The following PIBF1 variants were observed in gnomAD, a reference collection of about 807,000 sequenced individuals.
PIBF1 encodes progesterone immunomodulatory binding factor 1, also known as progesterone-induced-blocking factor 1.
PIBF1 carries 90 observed loss-of-function variants against 112.5 expected under a neutral mutation model. The observed-to-expected ratio is 0.80, with a 90% CI of 0.67 to 0.95. The LOEUF is 0.95. Among genes scored for constraint, PIBF1 ranks in the 40% least tolerant of loss-of-function variants. The probability of loss-of-function intolerance (pLI) is 0.00; values close to 1 mark genes in which losing one functional copy is unlikely to be tolerated. For missense variants in PIBF1, 915 were observed against 852.3 expected (o/e 1.07, Z -0.92); for synonymous variants, 301 against 288.6 (o/e 1.04, Z -0.44).
intron 17 of PIBF1, among the ~76,000 whole-genome samples, chr13:73,013,402 C>T (rs945367059): frequency 1.3e-5 from 2 of 148,538 alleles, no homozygotes; most frequent in African/African-American, 2.5e-5. Flanking sequence ...TTCCCCCAAA[C>T]TAATGTTAGA....
At chr13:72,993,691 A>C (rs1438409818) in intron 16 of PIBF1, among the ~76,000 whole-genome samples, 11 of 149,818 alleles carry the variant, frequency 7.3e-5, no homozygotes. Context: ...GCTTGCAGTG[A>C]GCCAAGATCA....
At position 72,827,855 on chromosome 13, in the gene PIBF1, T is replaced by G; in HGVS notation, c.1038T>G (p.Ala346=). 6.3e-7 allele frequency: 1 copy of G among 1,594,150 alleles called. No homozygotes were observed. Among genetic ancestry groups the G allele is most frequent in the Admixed American group, 1.7e-5 (1 of 57,224 alleles). ...HEEDRLERLQ[A]QLEESKKARE... is the part of the protein sequence containing the mutation. ...AGGATCGCCTTGAAAGACTTCAAGC[T>G]CAACTGGAAGAAAGCAAAAAGGCTA... The change falls in exon 8 of 18, where the codon GCT becomes GCG. Residue 346 remains alanine, a synonymous_variant. Transcript: ENST00000326291.
chr13:72,928,479 C>G (rs2041603114), intron 13 of PIBF1, among the ~76,000 whole-genome samples: 1 of 151,978 alleles, frequency 6.6e-6, no homozygotes, highest in Non-Finnish European at 1.5e-5. Flanking sequence ...TGCTCTTGTC[C>G]CCCAGGCTGG....
chr13:72,807,855 T>A (rs2035813741), intron 5 of PIBF1, among the ~76,000 whole-genome samples: 1 of 152,234 alleles, frequency 6.6e-6, no homozygotes, highest in Non-Finnish European at 1.5e-5. Context: ...GTAACTTGAA[T>A]TTCACAATGA....
At chr13:72,991,842 C>A (rs1256818494) in intron 16 of PIBF1, among the ~76,000 whole-genome samples, 2 of 152,070 alleles carry the variant, frequency 1.3e-5, no homozygotes, top group African/African-American at 4.8e-5. Flanking sequence ...CCTCAGCCTC[C>A]CGAGTAGTTG....
At chr13:72,894,607 T>C (rs2040192153) in intron 11 of PIBF1, among the ~76,000 whole-genome samples, 1 of 151,482 alleles carries the variant, frequency 6.6e-6, no homozygotes, top group South Asian at 2.1e-4. Flanking sequence ...TTCAAATCAG[T>C]AGGGAAAGTA....
intron 15 of PIBF1, chr13:72,970,611 T>TA (rs2042862649): frequency 6.6e-6 from 1 of 152,170 alleles, no homozygotes; most frequent in South Asian, 2.1e-4. Context: ...ATTTAACAAT[T>TA]ATGGGTGTAA....
At chr13:72,803,519 G>A (rs2035586499) in intron 5 of PIBF1, among the ~76,000 whole-genome samples, 1 of 152,084 alleles carries the variant, frequency 6.6e-6, no homozygotes, top group Non-Finnish European at 1.5e-5. Flanking sequence ...TGATATTTGG[G>A]GAAACTACTA....
rs2042960520 is a variant in PIBF1, at chr13:72,973,923, A to T, written c.2049+248A>T. On this transcript the variant is annotated intron_variant, in intron 16 of 17. Coordinates refer to ENST00000326291, the MANE Select transcript of PIBF1 (RefSeq NM_006346.4). ...AATTTCCCCATATTATTTAATAATA[A>T]TCTGTTTTATCTTATTCTGCAACTA... The T allele has an allele frequency of 8.9e-6, 4 of 449,142 alleles. No individual in the cohort carries two copies. The South Asian group carries it at 2.4e-4, about 27-fold the overall frequency. The allele number at this position is 449,142 out of a possible 1,614,324, so 27.8% of individuals were successfully genotyped here. A position where few individuals can be genotyped will look rare whatever the true frequency, so the allele number is the denominator to read the frequency against.
At chr13:72,954,836 A>C (rs1308237156) in intron 14 of PIBF1, among the ~76,000 whole-genome samples, 1 of 152,166 alleles carries the variant, frequency 6.6e-6, no homozygotes, top group African/African-American at 2.4e-5. Flanking sequence ...CACAGTGTGA[A>C]TCTCTACACA....
chr13:72,808,786 T>G (rs1027756251), intron 5 of PIBF1, among the ~76,000 whole-genome samples: 2 of 152,144 alleles, frequency 1.3e-5, no homozygotes, highest in Admixed American at 1.3e-4. Flanking sequence ...TGCACCTTGA[T>G]CCATCCAACC....
At chr13:72,976,259 G>T (rs909839140) in intron 16 of PIBF1, among the ~76,000 whole-genome samples, 1 of 151,532 alleles carries the variant, frequency 6.6e-6, no homozygotes, top group Non-Finnish European at 1.5e-5. Context: ...GAGCAATGTA[G>T]TGCAACCCTA....
chr13:72,872,416 C>T (rs1353493765), intron 10 of PIBF1, among the ~76,000 whole-genome samples: 1 of 152,008 alleles, frequency 6.6e-6, no homozygotes, highest in Non-Finnish European at 1.5e-5. Flanking sequence ...TGCTAAAGCA[C>T]CATTTAGGTA....
intron 11 of PIBF1, 108 bp downstream of exon 11, chr13:72,894,057 C>CAAAAAAAAAAAAAAAAAAAAAAAAAAA (rs66856837): frequency 1.2e-5 from 1 of 82,688 alleles, no homozygotes; most frequent in Non-Finnish European, 2.2e-5. Flanking sequence ...CTATCCTGCA[C>CAAAAAAAAAAAAAAAAAAAAAAAAAAA]AAAAAAAAAA....
chr13:72,783,642 A>T lies in PIBF1; in HGVS notation c.173A>T (p.His58Leu). ...CTAATTGAACGAAAAGAACTACTTC[A>T]TAATATTCAGTTACTAAAAATTGAG... Reference protein sequence around the residue: ...RQLIERKELLHNIQLLKIELS... With the variant: ...RQLIERKELLLNIQLLKIELS... Residue 58 changes from histidine to leucine, a missense_variant, in exon 2 of 18, where the codon CAT becomes CTT. Coordinates refer to ENST00000326291, the MANE Select transcript of PIBF1 (RefSeq NM_006346.4). 1 of 1,613,960 alleles carries T rather than the reference A, an allele frequency of 6.2e-7. No homozygotes were observed. The highest frequency in any genetic ancestry group is 8.5e-7 in the Non-Finnish European group (1 of 1,179,832).
intron 16 of PIBF1, among the ~76,000 whole-genome samples, chr13:72,994,896 T>C (rs2043599068): frequency 6.6e-6 from 1 of 152,226 alleles, no homozygotes; most frequent in Admixed American, 6.5e-5. Context: ...TCATGAATCA[T>C]GATCATTTCA....
chr13:72,800,177 A>G (rs770455766), intron 5 of PIBF1, among the ~76,000 whole-genome samples: 1 of 152,186 alleles, frequency 6.6e-6, no homozygotes, highest in African/African-American at 2.4e-5. Flanking sequence ...CTGGGCTTAC[A>G]GGCATGCGCT....
chr13:72,834,710 A>T (rs971740978), intron 8 of PIBF1, among the ~76,000 whole-genome samples: 13 of 152,204 alleles, frequency 8.5e-5, no homozygotes, highest in African/African-American at 2.9e-4. Flanking sequence ...GAGTTCACAC[A>T]TTCATAATTT....
chr13:72,848,860 T>C lies in PIBF1; in HGVS notation c.1224-5197T>C, dbSNP rs568658523. Among the ~76,000 whole-genome samples, 4 of 152,128 alleles carry C rather than the reference T, an allele frequency of 2.6e-5. No homozygotes were observed. In the South Asian group the frequency reaches 8.3e-4, roughly 32 times the overall value. On this transcript the variant is annotated intron_variant, in intron 9 of 17. Coordinates refer to ENST00000326291, the MANE Select transcript of PIBF1 (RefSeq NM_006346.4). ...AAAAAAAAAAAAGAACTTAACTCTTTAAGTTTCTCATTTGAATGTTATAAT... is the reference window on the plus strand; with the variant it reads ...AAAAAAAAAAAAGAACTTAACTCTTCAAGTTTCTCATTTGAATGTTATAAT...
Sources: allele counts gnomAD v4.1 joint callset (sites outside exome capture counted in the v4.1 genomes callset), GRCh38; gene constraint gnomAD v4.1.1; transcripts MANE v1.5; gene names NCBI Gene and HGNC (gene_info 2026-07-23, HGNC 2026-07-21).